Variants in INVS observed in about 807,000 individuals in gnomAD.
INVS encodes the protein inversin.
Under a neutral mutation model 108.8 loss-of-function variants are expected in INVS, and 86 were observed. The ratio of observed to expected loss-of-function variants is 0.79; its 90% CI spans 0.66 to 0.95. The LOEUF is 0.95. Ranked by LOEUF, INVS falls within the 40% of genes least tolerant of loss-of-function variation. INVS has a pLI of 0.00. For missense variants in INVS, 1,169 were observed against 1,297.4 expected (o/e 0.90, Z 1.52); for synonymous variants, 455 against 473.5 (o/e 0.96, Z 0.51).
chr9:100,105,650 C>T (rs1827148098), intron 2 of INVS, among the ~76,000 whole-genome samples: 1 of 152,110 alleles, frequency 6.6e-6, no homozygotes, highest in African/African-American at 2.4e-5. Flanking sequence ...CCAAATCACT[C>T]AAACATTCTA....
At chr9:100,298,980 A>C (rs1225595558) in intron 16 of INVS, among the ~76,000 whole-genome samples, 1 of 152,248 alleles carries the variant, frequency 6.6e-6, no homozygotes, top group Non-Finnish European at 1.5e-5. Context: ...GCATTTAGAC[A>C]ATCAAATACT....
At chr9:100,294,571 G>A (rs892402921) in intron 14 of INVS, among the ~76,000 whole-genome samples, 9 of 152,254 alleles carry the variant, frequency 5.9e-5, no homozygotes, top group Non-Finnish European at 1.0e-4. Context: ...TTTTTCAGAC[G>A]AGAGGAAAAA....
At chr9:100,219,271 CAT>C (rs1741880509) in intron 3 of INVS, among the ~76,000 whole-genome samples, 1 of 152,022 alleles carries the variant, frequency 6.6e-6, no homozygotes, top group South Asian at 2.1e-4. Context: ...ATCCAGCAAA[CAT>C]ATAAAAACAT....
At chr9:100,172,621 G>C (rs1387110205) in intron 3 of INVS, among the ~76,000 whole-genome samples, 1 of 152,168 alleles carries the variant, frequency 6.6e-6, no homozygotes, top group African/African-American at 2.4e-5. Flanking sequence ...GGTTACAGAG[G>C]TTCAGCAGGA....
chr9:100,241,539 T>C lies in INVS; in HGVS notation c.797-1031T>C, dbSNP rs185326164. 3.9e-5 allele frequency among the ~76,000 whole-genome samples: 6 copies of C among 152,342 alleles called. No individual in the cohort carries two copies. In the East Asian group the frequency reaches 1.2e-3, roughly 29 times the overall value. ...CCTGAAATTTTCCTCTGGATCCTTCTCTAGATCATTTTCAGAGGTATGCTG... is the reference window on the plus strand; with the variant it reads ...CCTGAAATTTTCCTCTGGATCCTTCCCTAGATCATTTTCAGAGGTATGCTG... On this transcript the variant is annotated intron_variant, in intron 6 of 16. Coordinates refer to ENST00000262457, the MANE Select transcript of INVS (RefSeq NM_014425.5).
At chr9:100,200,457 GC>G (rs1588084188) in intron 3 of INVS, among the ~76,000 whole-genome samples, 1 of 152,234 alleles carries the variant, frequency 6.6e-6, no homozygotes, top group East Asian at 1.9e-4. Context: ...AAAAGTTAAA[GC>G]TGACTAATTA....
At position 100,192,978 on chromosome 9, in the gene INVS, C is replaced by CT. The variant is rs59924532; in HGVS notation, c.274-33068dup. On this transcript the variant is annotated intron_variant, in intron 3 of 16. Coordinates refer to ENST00000262457, the MANE Select transcript of INVS (RefSeq NM_014425.5). ...ATTAGATTACCTATGATACCAATGTCTTTTTTTTTTTTTTTTCTGATACAG... is the reference window on the plus strand; with the variant it reads ...ATTAGATTACCTATGATACCAATGTCTTTTTTTTTTTTTTTTTCTGATACAG... Among the ~76,000 whole-genome samples the CT allele has an allele frequency of 5.3e-3, 730 of 136,926 alleles. 4 individuals are homozygous for CT. Among genetic ancestry groups the CT allele is most frequent in the East Asian group, 0.011 (52 of 4,834 alleles). The allele number at this position is 136,926 out of a possible 152,430, so 89.8% of individuals were successfully genotyped here.
chr9:100,275,125 T>C lies in INVS; in HGVS notation c.1784+2049T>C, dbSNP rs1833075922. 2.0e-5 allele frequency among the ~76,000 whole-genome samples: 3 copies of C among 152,172 alleles called. No homozygotes were observed. The South Asian group carries it at 6.2e-4, about 32-fold the overall frequency. ...TCTTCTCTTAATGATGCCCTCTTCCTTTCACTTTTGCCAAAGAATCCAGTA... is the reference window on the plus strand; with the variant it reads ...TCTTCTCTTAATGATGCCCTCTTCCCTTCACTTTTGCCAAAGAATCCAGTA... On this transcript the variant is annotated intron_variant, in intron 12 of 16. Coordinates refer to ENST00000262457, the MANE Select transcript of INVS (RefSeq NM_014425.5).
rs184649610 is a variant in INVS, at chr9:100,227,067, T to C, written c.447+832T>C. Reference sequence around the variant, plus strand: ...ACTCCTCTGTGCCTCAATTTTTGTATGTATGGAAAAAGGTTAATAGGATTA... The same window carrying C: ...ACTCCTCTGTGCCTCAATTTTTGTACGTATGGAAAAAGGTTAATAGGATTA... On this transcript the variant is annotated intron_variant, in intron 4 of 16. Transcript: ENST00000262457. Among the ~76,000 whole-genome samples the C allele has an allele frequency of 3.9e-4, 59 of 152,274 alleles. No homozygotes were observed. In the East Asian group the frequency reaches 7.9e-3, roughly 20 times the overall value.
At chr9:100,131,484 C>T (rs1175526524) in intron 3 of INVS, among the ~76,000 whole-genome samples, 2 of 152,104 alleles carry the variant, frequency 1.3e-5, no homozygotes, top group Non-Finnish European at 2.9e-5. Flanking sequence ...TGAACATCTG[C>T]ACCTAATTTG....
chr9:100,268,634 T>C (rs1043108611), intron 11 of INVS, among the ~76,000 whole-genome samples: 1 of 152,212 alleles, frequency 6.6e-6, no homozygotes, highest in Non-Finnish European at 1.5e-5. Flanking sequence ...CAAAAAATTG[T>C]TAAATTTAGG....
chr9:100,258,763 G>T (rs994945754), intron 10 of INVS, among the ~76,000 whole-genome samples: 1 of 152,212 alleles, frequency 6.6e-6, no homozygotes, highest in African/African-American at 2.4e-5. Context: ...GTTGCCGCCT[G>T]ATCCTTCCTC....
chr9:100,287,811 A>G (rs1354604343), intron 13 of INVS, among the ~76,000 whole-genome samples: 5 of 152,140 alleles, frequency 3.3e-5, no homozygotes, highest in Non-Finnish European at 7.4e-5. Context: ...GTAGTTCTTT[A>G]TAGCAGTGTA....
In INVS at chr9:100,301,182, T is replaced by C. The variant is rs1422702043; in HGVS notation, c.*508T>C. Among the ~76,000 whole-genome samples, 2 of 122,558 alleles carry C rather than the reference T, an allele frequency of 1.6e-5. No homozygotes were observed. Among genetic ancestry groups the C allele is most frequent in the Non-Finnish European group, 3.6e-5 (2 of 55,992 alleles). The allele number at this position is 122,558 out of a possible 152,430, so 80.4% of individuals were successfully genotyped here. ...ACACACACACACACACACACACATA[T>C]CACGTCCCACTATTACTTCAAAATT... is the stretch of plus-strand genomic sequence containing the variant. On this transcript the variant is annotated 3_prime_UTR_variant, in exon 17 of 17. Transcript: ENST00000262457.
chr9:100,273,269 G>C (rs1162064798), intron 12 of INVS, among the ~76,000 whole-genome samples, 193 bp downstream of exon 12: 2 of 152,018 alleles, frequency 1.3e-5, no homozygotes, highest in African/African-American at 2.4e-5. Context: ...AAGGACAGAG[G>C]CCTAACCTCT....
chr9:100,117,285 G>T (rs769369263), intron 2 of INVS: 1 of 736,112 alleles, frequency 1.4e-6, no homozygotes. Flanking sequence ...TGGCCAGCAC[G>T]GGTCTGCTTC....
At position 100,284,489 on chromosome 9, in the gene INVS, G is replaced by A. The variant is rs757871463; in HGVS notation, c.1954G>A (p.Gly652Ser). 1.9e-6 allele frequency: 3 copies of A among 1,614,146 alleles called. No homozygotes were observed. Among genetic ancestry groups the A allele is most frequent in the Non-Finnish European group, 1.7e-6 (2 of 1,180,002 alleles). ...KQPPAGNVAQ[G>S]PEPRDSRGSP... is the part of the protein sequence containing the mutation. ...GCCTCCTGCTGGCAACGTGGCCCAAGGCCCTGAGCCAAGAGACAGCAGAGG... is the reference window on the plus strand; with the variant it reads ...GCCTCCTGCTGGCAACGTGGCCCAAAGCCCTGAGCCAAGAGACAGCAGAGG... The change falls in exon 13 of 17, where the codon GGC (glycine) becomes AGC (serine). Residue 652 changes from glycine to serine, a missense_variant. Transcript: ENST00000262457.
chr9:100,278,331 CCT>C (rs1588141752), intron 12 of INVS, among the ~76,000 whole-genome samples: 2 of 151,498 alleles, frequency 1.3e-5, no homozygotes, highest in Non-Finnish European at 2.9e-5. Flanking sequence ...CCTGAAATAA[CCT>C]CTCAGTTTAT....
chr9:100,108,349 A>G (rs1827241381), intron 2 of INVS, among the ~76,000 whole-genome samples: 1 of 152,176 alleles, frequency 6.6e-6, no homozygotes, highest in East Asian at 1.9e-4. Flanking sequence ...GGAACTTCTT[A>G]TTAATTACTG....
Sources: gnomAD v4.1 joint callset for allele counts (sites outside exome capture counted in the v4.1 genomes callset) on GRCh38, gnomAD v4.1.1 for gene constraint, MANE v1.5 for transcripts, NCBI Gene and HGNC (gene_info 2026-07-23, HGNC 2026-07-21) for gene names.